The following TMEM79 variants were observed in gnomAD, a reference collection of about 807,000 sequenced individuals.
The protein encoded by TMEM79 is transmembrane protein 79.
A neutral mutation model predicts 31.2 loss-of-function variants in TMEM79; 30 were observed. The observed-to-expected ratio is 0.96, with a 90% CI of 0.72 to 1.30. TMEM79 has a LOEUF of 1.30. TMEM79 is among the 50% of genes most tolerant of loss of function. The pLI is 0.00. For missense variants in TMEM79, 509 were observed against 528.2 expected (o/e 0.96, Z 0.36); for synonymous variants, 213 against 229.5 (o/e 0.93, Z 0.65).
At position 156,291,624 on chromosome 1, in the gene TMEM79, A is replaced by G. The variant is rs1374683561; in HGVS notation, c.*26A>G. 6.2e-7 allele frequency: 1 copy of G among 1,605,248 alleles called. No homozygotes were observed. Among genetic ancestry groups the G allele is most frequent in the Non-Finnish European group, 8.5e-7 (1 of 1,173,860 alleles). On this transcript the variant is annotated 3_prime_UTR_variant, in exon 4 of 4. Transcript: ENST00000405535. ...GCCTCTCCGCCCTCGCCCTCGGAGT[A>G]GGGGGTAGCGGCTTGGGTCTGACAC...
Position 156,291,405 on chromosome 1 carries a change from T to G in TMEM79, c.992T>G (p.Phe331Cys), listed in dbSNP as rs1439004351. 1.2e-6 allele frequency: 2 copies of G among 1,614,014 alleles called. No homozygotes were observed. The highest frequency in any genetic ancestry group is 2.7e-5 in the African/African-American group (2 of 74,920). ...CATAGGCTGATCTACTGGCTGACCT[T>G]TGCCGTGGGCCGCTCCTTCCGAGGC... The part of the protein sequence containing the change: ...AVSRLIYWLT[F>C]AVGRSFRGFG... The change falls in exon 4 of 4, where the codon TTT (phenylalanine) becomes TGT (cysteine). Residue 331 changes from phenylalanine (F) to cysteine (C), a missense_variant. Phe to Cys is a radical substitution (Grantham distance 205). Coordinates refer to ENST00000405535, the MANE Select transcript of TMEM79 (RefSeq NM_032323.3).
rs1663134748 is a variant in TMEM79 at position 156,285,759 on chromosome 1, T to C, written c.533T>C (p.Val178Ala). The stretch of plus-strand genomic sequence containing the variant: ...ACTGAGCGCAAGTGGGCTGAGGCAG[T>C]GGTGAGGCCGCCTGGCTGTTCCTGT... ...DPTERKWAEAVVRPPGCSCGG... is the reference protein window; with the variant it reads ...DPTERKWAEAAVRPPGCSCGG... Residue 178 changes from valine to alanine, a missense_variant, in exon 2 of 4, where the codon GTG becomes GCG. Physicochemically the swap from Val to Ala is moderately conservative, Grantham distance 64. Coordinates refer to ENST00000405535, the MANE Select transcript of TMEM79 (RefSeq NM_032323.3). The C allele has an allele frequency of 3.7e-6, 6 of 1,613,240 alleles. No homozygotes were observed. Among genetic ancestry groups the C allele is most frequent in the Non-Finnish European group, 5.1e-6 (6 of 1,179,938 alleles).
In TMEM79 at chr1:156,285,854, C is replaced by T; in HGVS notation, c.628C>T (p.Leu210Phe). Reference sequence around the variant, plus strand: ...GGCCTCCGTGGGAGCCGCACTCATTCTCTTCCCTTGCCTACTATACGGGGC... The same window carrying T: ...GGCCTCCGTGGGAGCCGCACTCATTTTCTTCCCTTGCCTACTATACGGGGC... Reference protein sequence around the residue: ...AVASVGAALILFPCLLYGAYA... With the variant: ...AVASVGAALIFFPCLLYGAYA... The change falls in exon 2 of 4, where the codon CTC (leucine) becomes TTC (phenylalanine). Residue 210 changes from leucine (L) to phenylalanine (F), a missense_variant. Coordinates refer to ENST00000405535, the MANE Select transcript of TMEM79 (RefSeq NM_032323.3). The T allele has an allele frequency of 6.2e-7, 1 of 1,613,770 alleles. No individual in the cohort carries two copies. Among genetic ancestry groups the T allele is most frequent in the Non-Finnish European group, 8.5e-7 (1 of 1,180,022 alleles).
intron 3 of TMEM79, among the ~76,000 whole-genome samples, chr1:156,288,334 T>A (rs1397459666): frequency 6.6e-6 from 1 of 151,840 alleles, no homozygotes; most frequent in East Asian, 1.9e-4. Flanking sequence ...TTGTTACTTT[T>A]TTTTTCTTTT....
At chr1:156,286,705 G>C (rs1270312554) in intron 3 of TMEM79, among the ~76,000 whole-genome samples, 1 of 152,248 alleles carries the variant, frequency 6.6e-6, no homozygotes. Flanking sequence ...GCTTTCAGGT[G>C]TCATCTAGAT....
At position 156,285,530 on chromosome 1, in the gene TMEM79, CCT is replaced by C. The variant is rs765174981; in HGVS notation, c.305_306del (p.Pro102ArgfsTer21). 4.3e-6 allele frequency: 7 copies of C among 1,614,080 alleles called. No individual in the cohort carries two copies. In the Admixed American group the frequency reaches 5.0e-5, roughly 12 times the overall value. On this transcript the variant is annotated frameshift_variant, in exon 2 of 4. Coordinates refer to ENST00000405535, the MANE Select transcript of TMEM79 (RefSeq NM_032323.3). LOFTEE classifies it high-confidence loss of function. ...PGWRDIEPEP[P>X]ESEPLTKLEE... ...CTGGCGGGACATTGAACCAGAGCCC[CCT>C]GAGTCAGAACCACTTACCAAGCTAG...
chr1:156,285,509 CG>C lies in TMEM79; in HGVS notation c.286del (p.Asp96ThrfsTer15). The C allele has an allele frequency of 6.2e-7, 1 of 1,614,108 alleles. No homozygotes were observed. The highest frequency in any genetic ancestry group is 1.1e-5 in the South Asian group (1 of 91,084). On this transcript the variant is annotated frameshift_variant, in exon 2 of 4. Coordinates refer to ENST00000405535, the MANE Select transcript of TMEM79 (RefSeq NM_032323.3). LOFTEE classifies it high-confidence loss of function. ...TCCGTTCCCGGATCCCCCTGGCTGG[CG>C]GGACATTGAACCAGAGCCCCCTGAG... is the stretch of plus-strand genomic sequence containing the variant. The part of the protein sequence containing the change: ...SAPFPDPPGW[R>X]DIEPEPPESE...
intron 3 of TMEM79, among the ~76,000 whole-genome samples, chr1:156,289,009 T>C (rs1269320483): frequency 6.6e-6 from 1 of 152,204 alleles, no homozygotes; most frequent in African/African-American, 2.4e-5. Flanking sequence ...CTCAGGTCAG[T>C]CGGCAATAGT....
chr1:156,288,741 A>T lies in TMEM79; in HGVS notation c.971+2268A>T, dbSNP rs140965733. On this transcript the variant is annotated intron_variant, in intron 3 of 3. Transcript: ENST00000405535. ...TTCCTGTCACTTCTGATTGTGGTCC[A>T]GCAGTCAGTTGTCCCACCAGCCTCC... Among the ~76,000 whole-genome samples, 279 of 152,350 alleles carry T rather than the reference A, an allele frequency of 1.8e-3. 5 individuals carry two copies. The highest frequency in any genetic ancestry group is 6.8e-3 in the Middle Eastern group (2 of 294).
At chr1:156,290,810 C>CA (rs1223893891) in intron 3 of TMEM79, 1 of 142,364 alleles carries the variant, frequency 7.0e-6, no homozygotes, top group African/African-American at 2.6e-5. Flanking sequence ...GCCTGGGTGA[C>CA]AGAGAGAGAC....
At chr1:156,291,336 C>CT (rs1256011991) in intron 3 of TMEM79, 49 bp from the exon 4 acceptor site, 1 of 1,576,626 alleles carries the variant, frequency 6.3e-7, no homozygotes, top group Non-Finnish European at 8.7e-7. Flanking sequence ...TGCCAATCAG[C>CT]TGACGCGCTT....
chr1:156,291,068 A>C (rs1180606231), intron 3 of TMEM79: 1 of 319,054 alleles, frequency 3.1e-6, no homozygotes, highest in Admixed American at 4.4e-5. Flanking sequence ...CAAGGCCAGA[A>C]GTTTGAGCCC....
chr1:156,291,914 C>G lies in TMEM79; in HGVS notation c.*316C>G, dbSNP rs1663350349. The G allele has an allele frequency of 3.5e-6, 2 of 568,908 alleles. No individual in the cohort carries two copies. The highest frequency in any genetic ancestry group is 6.3e-6 in the Non-Finnish European group (2 of 319,190). The allele number at this position is 568,908 out of a possible 1,614,324, so 35.2% of individuals were successfully genotyped here. A position where few individuals can be genotyped will look rare whatever the true frequency, so the allele number is the denominator to read the frequency against. On this transcript the variant is annotated 3_prime_UTR_variant, in exon 4 of 4. Transcript: ENST00000405535. ...AGAGGCACAGCTCCTTCCTGAGCAG[C>G]CTCTCACCACTGCCACAAGGCTCCC...
At chr1:156,283,604 C>T (rs960112094), upstream of TMEM79, among the ~76,000 whole-genome samples, 2 of 152,286 alleles carry the variant, frequency 1.3e-5, no homozygotes, top group South Asian at 2.1e-4. Flanking sequence ...TAGCTTAAAA[C>T]CTAAGTTAAA....
chr1:156,291,667 C>A lies in TMEM79; in HGVS notation c.*69C>A. The A allele has an allele frequency of 1.3e-6, 2 of 1,493,910 alleles. No homozygotes were observed. The highest frequency in any genetic ancestry group is 9.3e-7 in the Non-Finnish European group (1 of 1,075,862). 92.5% of individuals were successfully genotyped at this position (1,493,910 alleles called of 1,614,324 possible). On this transcript the variant is annotated 3_prime_UTR_variant, in exon 4 of 4. Transcript: ENST00000405535. ...TCTGACACATCTTTGAACCTTGTGGCCAGGCCTGGACTTCGCCCCCAGGCC... is the reference window on the plus strand; with the variant it reads ...TCTGACACATCTTTGAACCTTGTGGACAGGCCTGGACTTCGCCCCCAGGCC...
At chr1:156,289,762 C>T (rs901050336) in intron 3 of TMEM79, among the ~76,000 whole-genome samples, 4 of 152,222 alleles carry the variant, frequency 2.6e-5, no homozygotes, top group Admixed American at 2.0e-4. Context: ...ATAAGTGGTC[C>T]TTCATATATT....
At chr1:156,290,020 C>G (rs1365499983) in intron 3 of TMEM79, 1 of 152,170 alleles carries the variant, frequency 6.6e-6, no homozygotes, top group Admixed American at 6.5e-5. Flanking sequence ...TTGGACCAGT[C>G]TTACTTAACC....
Position 156,285,387 on chromosome 1 carries a change from G to A in TMEM79, c.161G>A (p.Gly54Glu). The A allele has an allele frequency of 1.3e-6, 2 of 1,588,694 alleles. No individual in the cohort carries two copies. Among genetic ancestry groups the A allele is most frequent in the South Asian group, 2.3e-5 (2 of 87,474 alleles). Residue 54 changes from glycine to glutamate, a missense_variant, in exon 2 of 4, where the codon GGA (glycine) becomes GAA (glutamate). Gly to Glu is a moderately conservative substitution (Grantham distance 98). Transcript: ENST00000405535. The stretch of plus-strand genomic sequence containing the variant: ...TCCCTCAGAGTGGGGTCTTCAGCTG[G>A]ATCTCCCACAGCCATAGAGGGGGCT... ...AESLRVGSSAGSPTAIEGAED... is the reference protein window; with the variant it reads ...AESLRVGSSAESPTAIEGAED...
In TMEM79 at chr1:156,286,360, G is replaced by A. The variant is rs1663161978; in HGVS notation, c.858G>A (p.Gln286=). The A allele has an allele frequency of 1.2e-6, 2 of 1,614,114 alleles. No homozygotes were observed. The highest frequency in any genetic ancestry group is 2.7e-5 in the African/African-American group (2 of 74,930). Residue 286 remains glutamine (Q), a synonymous_variant, in exon 3 of 4, where the codon CAG becomes CAA. Transcript: ENST00000405535. ...AGATCCACCGGCGATATGTGGCCCA[G>A]TCGGTCCAGCTCTTTATTCTCTACT... ...EVEIHRRYVA[Q]SVQLFILYFF...
Sources: gnomAD v4.1 joint callset for allele counts (sites outside exome capture counted in the v4.1 genomes callset) on GRCh38, gnomAD v4.1.1 for gene constraint, MANE v1.5 for transcripts, NCBI Gene and HGNC (gene_info 2026-07-23, HGNC 2026-07-21) for gene names.